Variants in TMBIM4 observed in about 807,000 individuals in gnomAD.
TMBIM4 encodes protein lifeguard 4.
A neutral mutation model predicts 27.7 loss-of-function variants in TMBIM4; 28 were observed. The observed-to-expected ratio is 1.01, with a 90% CI of 0.75 to 1.38. TMBIM4 has a LOEUF of 1.38. Ranked by LOEUF, TMBIM4 falls within the 40% of genes most tolerant of loss-of-function variation. The pLI is 0.00. For missense variants in TMBIM4, 265 were observed against 277.5 expected (o/e 0.95, Z 0.32); for synonymous variants, 115 against 113.1 (o/e 1.02, Z -0.11).
At chr12:66,169,789 G>A (rs1484812351) in intron 1 of TMBIM4, 66 bp downstream of exon 1, 6 of 1,263,036 alleles carry the variant, frequency 4.8e-6, no homozygotes, top group East Asian at 3.1e-5. Context: ...GAAGCCGGAA[G>A]TCGGCTTCTA....
In TMBIM4 at chr12:66,138,019, C is replaced by A. The variant is rs746994595; in HGVS notation, c.658G>T (p.Asp220Tyr). The A allele has an allele frequency of 3.4e-5, 55 of 1,613,744 alleles. No homozygotes were observed. The highest frequency in any genetic ancestry group is 4.4e-5 in the Non-Finnish European group (52 of 1,180,008). The change falls in exon 7 of 7, where the codon GAT (aspartate) becomes TAT (tyrosine). Residue 220 changes from aspartate (D) to tyrosine (Y), a missense_variant. Asp to Tyr is a radical substitution (Grantham distance 160, BLOSUM62 -3). Coordinates refer to ENST00000358230, the MANE Select transcript of TMBIM4 (RefSeq NM_016056.4). ...YVLAAISLYL[D>Y]IINLFLHLLR... ...AGGTGCAGGAATAGATTGATGATAT[C>A]CAAGTAGAGGCTGATGGCAGCTAAT...
chr12:66,140,813 C>T (rs2051656374), intron 5 of TMBIM4, among the ~76,000 whole-genome samples: 1 of 151,926 alleles, frequency 6.6e-6, no homozygotes, highest in African/African-American at 2.4e-5. Flanking sequence ...GGGGAGGGAA[C>T]CACACCAAGG....
chr12:66,150,982 T>G (rs904948008), intron 3 of TMBIM4, among the ~76,000 whole-genome samples: 2 of 152,142 alleles, frequency 1.3e-5, no homozygotes, highest in African/African-American at 4.8e-5. Flanking sequence ...TTGAAGAGGA[T>G]TTGGGTTGGT....
At chr12:66,145,635 G>A (rs1241221495) in intron 5 of TMBIM4, among the ~76,000 whole-genome samples, 1 of 151,752 alleles carries the variant, frequency 6.6e-6, no homozygotes, top group African/African-American at 2.4e-5. Context: ...TTCACTATAG[G>A]AGAGAAGCAA....
intron 5 of TMBIM4, chr12:66,139,676 A>G (rs115268934): frequency 1.4e-3 from 617 of 456,060 alleles, no homozygotes; most frequent in African/African-American, 0.012. Flanking sequence ...GAAGAGAACT[A>G]TCCACCAAAA....
In TMBIM4 at chr12:66,137,856, ATTAC is replaced by A; in HGVS notation, c.*100_*103del. The A allele has an allele frequency of 1.2e-6, 1 of 843,848 alleles. No homozygotes were observed. Among genetic ancestry groups the A allele is most frequent in the Non-Finnish European group, 1.8e-6 (1 of 543,344 alleles). The allele number at this position is 843,848 out of a possible 1,614,324, so 52.3% of individuals were successfully genotyped here. Reference sequence around the variant, plus strand: ...GTATTTAATCATTGTTTCAAACTTTATTACTTAATGAAACAGTTTCTATATACTG... The same window carrying A: ...GTATTTAATCATTGTTTCAAACTTTATTAATGAAACAGTTTCTATATACTG... On this transcript the variant is annotated 3_prime_UTR_variant, in exon 7 of 7. Transcript: ENST00000358230.
chr12:66,144,702 CAAAT>C (rs1307271524), intron 5 of TMBIM4: 1 of 152,100 alleles, frequency 6.6e-6, no homozygotes, highest in Non-Finnish European at 1.5e-5. Context: ...AGAAATTCAA[CAAAT>C]AGTTTTTCAA....
chr12:66,160,907 C>T (rs1446697292), intron 1 of TMBIM4, among the ~76,000 whole-genome samples: 2 of 147,584 alleles, frequency 1.4e-5, no homozygotes, highest in Admixed American at 6.8e-5. Flanking sequence ...CCTAACATCC[C>T]AGACGGTGAG....
intron 3 of TMBIM4, among the ~76,000 whole-genome samples, chr12:66,148,551 G>T (rs778708091): frequency 6.6e-6 from 1 of 152,124 alleles, no homozygotes; most frequent in African/African-American, 2.4e-5. Context: ...AGAAAGACTT[G>T]CTCTCCCCTT....
chr12:66,144,066 G>C (rs910594085), intron 5 of TMBIM4, among the ~76,000 whole-genome samples: 5 of 152,112 alleles, frequency 3.3e-5, no homozygotes, highest in African/African-American at 4.8e-5. Context: ...CAGTAGTGAA[G>C]TGTTAGGGTT....
intron 5 of TMBIM4, 55 bp downstream of exon 5, chr12:66,145,786 A>G: frequency 9.6e-7 from 1 of 1,036,800 alleles, no homozygotes; most frequent in Non-Finnish European, 1.5e-6. Context: ...CCTCAAAACC[A>G]CCTATAATAA....
intron 1 of TMBIM4, 97 bp downstream of exon 1, chr12:66,169,758 G>A (rs1210534547): frequency 2.0e-6 from 2 of 975,918 alleles, no homozygotes; most frequent in African/African-American, 1.7e-5. Flanking sequence ...GTGAGTCCCA[G>A]GAGATGGCCG....
chr12:66,143,782 A>G (rs1348895986), intron 5 of TMBIM4, among the ~76,000 whole-genome samples: 1 of 152,140 alleles, frequency 6.6e-6, no homozygotes, highest in African/African-American at 2.4e-5. Context: ...CTTTTTAGAA[A>G]ATATTTTCAC....
At chr12:66,147,762 T>C (rs2051775205) in intron 4 of TMBIM4, 146 bp downstream of exon 4, 1 of 558,978 alleles carries the variant, frequency 1.8e-6, no homozygotes. Context: ...CTTTTGCTTA[T>C]ACTTTAGAAA....
At chr12:66,145,163 TAG>T (rs2051731341) in intron 5 of TMBIM4, among the ~76,000 whole-genome samples, 1 of 152,108 alleles carries the variant, frequency 6.6e-6, no homozygotes. Flanking sequence ...TTTATCTCAA[TAG>T]AGACTTCTGG....
At chr12:66,140,245 C>T (rs2051646233) in intron 5 of TMBIM4, among the ~76,000 whole-genome samples, 1 of 151,912 alleles carries the variant, frequency 6.6e-6, no homozygotes, top group Admixed American at 6.6e-5. Flanking sequence ...CTCCCTAGTT[C>T]AAGATCGAGG....
At chr12:66,169,617 G>T (rs979035811) in intron 1 of TMBIM4, 1 of 461,704 alleles carries the variant, frequency 2.2e-6, no homozygotes, top group Non-Finnish European at 3.8e-6. Context: ...CAGGACAGCC[G>T]CAAGCCTTCT....
chr12:66,165,025 A>C (rs540157859), intron 1 of TMBIM4, among the ~76,000 whole-genome samples: 2 of 152,352 alleles, frequency 1.3e-5, no homozygotes, highest in Non-Finnish European at 2.9e-5. Context: ...CTAACCAAGA[A>C]GACAAATTTG....
At chr12:66,169,390 G>A in intron 1 of TMBIM4, 1 of 613,714 alleles carries the variant, frequency 1.6e-6, no homozygotes, top group Non-Finnish European at 2.9e-6. Context: ...GGAGCTTCCA[G>A]CCTAGCACAG....
Sources: allele counts gnomAD v4.1 joint callset (sites outside exome capture counted in the v4.1 genomes callset), GRCh38; gene constraint gnomAD v4.1.1; transcripts MANE v1.5; gene names NCBI Gene and HGNC (gene_info 2026-07-23, HGNC 2026-07-21).